Variants in CSMD2 observed in about 807,000 individuals in gnomAD.
The protein encoded by CSMD2 is CUB and Sushi multiple domains 2, also known as CUB and sushi domain-containing protein 2.
Under a neutral mutation model 398.5 loss-of-function variants are expected in CSMD2, and 130 were observed. The observed-to-expected ratio is 0.33, with a 90% CI of 0.28 to 0.38. The LOEUF (loss-of-function observed/expected upper bound fraction) is 0.38, where lower values mean the gene tolerates loss of function less well. Among genes scored for constraint, CSMD2 ranks in the 10% least tolerant of loss-of-function variants. CSMD2 has a pLI of 1.00. For synonymous variants in CSMD2, 1,828 were observed against 1,908.5 expected (o/e 0.96, Z 1.10); for missense variants, 3,829 against 4,764.9 (o/e 0.80, Z 5.78).
In CSMD2 at chr1:33,961,857, T is replaced by A. The variant is rs573030763; in HGVS notation, c.518-25903A>T. ...AAGCAGATGCTGGCACTATGCTTCA[T>A]GTACAGCCTGCAGAACCATGAATCA... On this transcript the variant is annotated intron_variant, in intron 3 of 70. Coordinates refer to ENST00000373381, the MANE Select transcript of CSMD2 (RefSeq NM_001281956.2). 2.8e-4 allele frequency among the ~76,000 whole-genome samples: 43 copies of A among 152,202 alleles called. 1 individual carries two copies. The highest frequency in any genetic ancestry group is 2.8e-3 in the Admixed American group (43 of 15,278).
intron 6 of CSMD2, among the ~76,000 whole-genome samples, chr1:33,835,558 C>T (rs1312478647): frequency 1.7e-5 from 2 of 117,322 alleles, no homozygotes; most frequent in Non-Finnish European, 3.4e-5. Context: ...TGCTAGATGA[C>T]GAGTTAGTGG....
rs141123885 is a variant in CSMD2, at chr1:33,515,847, C to T, written c.*777G>A. 718 of 152,382 alleles carry T rather than the reference C, an allele frequency of 4.7e-3. 10 individuals carry two copies. Among genetic ancestry groups the T allele is most frequent in the African/African-American group, 0.016 (664 of 41,552 alleles). The allele number at this position is 152,382 out of a possible 1,614,324, so 9.4% of individuals were successfully genotyped here. A position where few individuals can be genotyped will look rare whatever the true frequency, so the allele number is the denominator to read the frequency against. On this transcript the variant is annotated 3_prime_UTR_variant, in exon 71 of 71. Coordinates refer to ENST00000373381, the MANE Select transcript of CSMD2 (RefSeq NM_001281956.2). ...GGCCAGACTCCTGCCCTATCCTCCCCGGCTCTCCCTTCTTTCCCAGTGCTT... is the reference window on the plus strand; with the variant it reads ...GGCCAGACTCCTGCCCTATCCTCCCTGGCTCTCCCTTCTTTCCCAGTGCTT...
chr1:34,133,023 A>G (rs1013860225), intron 1 of CSMD2, among the ~76,000 whole-genome samples: 6 of 151,942 alleles, frequency 3.9e-5, no homozygotes, highest in Admixed American at 2.6e-4. Context: ...CAGCTTTCAA[A>G]TTAATTCATT....
At chr1:33,934,208 G>A (rs1215840617) in intron 4 of CSMD2, among the ~76,000 whole-genome samples, 1 of 152,200 alleles carries the variant, frequency 6.6e-6, no homozygotes, top group Non-Finnish European at 1.5e-5. Flanking sequence ...TTATTCCAAT[G>A]ACTTCTCAAC....
At chr1:33,706,847 TGCATTGTGTGC>T (rs1645800822) in intron 22 of CSMD2, among the ~76,000 whole-genome samples, 1 of 151,676 alleles carries the variant, frequency 6.6e-6, no homozygotes, top group Admixed American at 6.6e-5. Context: ...TGTGCGTGTG[TGCATTGTGTGC>T]GTGTGCATGT....
At chr1:33,644,733 C>T (rs75296667) in intron 29 of CSMD2, among the ~76,000 whole-genome samples, 2 of 152,146 alleles carry the variant, frequency 1.3e-5, no homozygotes, top group East Asian at 3.9e-4. Flanking sequence ...GTGGTGGGAG[C>T]AATGGAGGTC....
At position 33,608,808 on chromosome 1, in the gene CSMD2, G is replaced by A. The variant is rs570062026; in HGVS notation, c.6343+2233C>T. Among the ~76,000 whole-genome samples the A allele has an allele frequency of 6.2e-4, 95 of 152,280 alleles. 1 individual carries two copies. Among genetic ancestry groups the A allele is most frequent in the Admixed American group, 1.8e-3 (27 of 15,308 alleles). On this transcript the variant is annotated intron_variant, in intron 41 of 70. Coordinates refer to ENST00000373381, the MANE Select transcript of CSMD2 (RefSeq NM_001281956.2). ...AAGGAACCAACTCTGCTGACACCTT[G>A]ATCTTGACCATCCAGCCCCAGAGCC...
Position 33,864,792 on chromosome 1 carries a change from T to C in CSMD2, c.921-17796A>G, listed in dbSNP as rs773545783. 8 of 1,526,510 alleles carry C rather than the reference T, an allele frequency of 5.2e-6. No homozygotes were observed. The Admixed American group carries it at 1.5e-4, about 28-fold the overall frequency. The allele number at this position is 1,526,510 out of a possible 1,614,324, so 94.6% of individuals were successfully genotyped here. A position where few individuals can be genotyped will look rare whatever the true frequency, so the allele number is the denominator to read the frequency against. On this transcript the variant is annotated intron_variant, in intron 5 of 70. Transcript: ENST00000373381. ...AAAAACAAAATGCCATTCAACCGTA[T>C]TTCCTGTTCCTGGTCTCATGTGTGG...
rs567907368 is a variant in CSMD2, at chr1:34,032,296, CAG to C, written c.517+296_517+297del. Among the ~76,000 whole-genome samples the C allele has an allele frequency of 1.7e-3, 261 of 152,036 alleles. 1 individual carries two copies. Among genetic ancestry groups the C allele is most frequent in the African/African-American group, 6.2e-3 (256 of 41,454 alleles). ...TTATACAATGAAGCCCAATATAAAACAGAATTAAAAAAATAAAAACACAACAA... is the reference window on the plus strand; with the variant it reads ...TTATACAATGAAGCCCAATATAAAACAATTAAAAAAATAAAAACACAACAA... On this transcript the variant is annotated intron_variant, in intron 3 of 70. Transcript: ENST00000373381.
chr1:33,708,588 G>A (rs972701354), intron 22 of CSMD2, among the ~76,000 whole-genome samples: 18 of 32,824 alleles, frequency 5.5e-4, no homozygotes, highest in Non-Finnish European at 8.4e-4. Flanking sequence ...TGCTCCAACC[G>A]AACTTATTAT....
intron 12 of CSMD2, among the ~76,000 whole-genome samples, chr1:33,786,468 C>T (rs1048987731): frequency 6.6e-6 from 1 of 152,178 alleles, no homozygotes; most frequent in Non-Finnish European, 1.5e-5. Context: ...TCTCATAGCC[C>T]CACAGCTGCT....
chr1:33,633,535 A>C lies in CSMD2; in HGVS notation c.5087T>G (p.Val1696Gly), dbSNP rs1420403826. 5.2e-6 allele frequency: 8 copies of C among 1,550,928 alleles called. No homozygotes were observed. The South Asian group carries it at 9.5e-5, about 18-fold the overall frequency. Reference sequence around the variant, plus strand: ...AAAGAAGGCGAACTGGCCAAACACCACTGTGGAGGAGACACAGTGTGGGGA... The same window carrying C: ...AAAGAAGGCGAACTGGCCAAACACCCCTGTGGAGGAGACACAGTGTGGGGA... ...LYFVTVPKDY[V>G]VFGQFAFFHT... The change falls in exon 32 of 71, where the codon GTG becomes GGG. Residue 1696 changes from valine to glycine, a missense_variant and splice_region_variant. Physicochemically the swap from Val to Gly is moderately radical, Grantham distance 109. This residue lies in a region of CSMD2 where 2,001 missense variants were observed against 2,567.1 expected (regional missense o/e 0.78). Coordinates refer to ENST00000373381, the MANE Select transcript of CSMD2 (RefSeq NM_001281956.2). This position sits in a 1 kb window ranked among gnomAD's most constrained non-coding sequence, Gnocchi z 5.0.
chr1:33,583,136 C>T (rs1447001125), intron 47 of CSMD2, among the ~76,000 whole-genome samples: 1 of 152,176 alleles, frequency 6.6e-6, no homozygotes, highest in Non-Finnish European at 1.5e-5. Context: ...AGTGCTTTGG[C>T]AAGATGACTT....
rs114976194 is a variant in CSMD2 at position 34,011,515 on chromosome 1, C to G, written c.517+21079G>C. 5.5e-3 allele frequency among the ~76,000 whole-genome samples: 839 copies of G among 152,276 alleles called. 6 individuals are homozygous for G. The highest frequency in any genetic ancestry group is 0.019 in the African/African-American group (790 of 41,566). ...CCCCACCCTAGTTCCCGGGGCCTCT[C>G]CACCAGTTTTGTTTATAGCTCATGT... On this transcript the variant is annotated intron_variant, in intron 3 of 70. Coordinates refer to ENST00000373381, the MANE Select transcript of CSMD2 (RefSeq NM_001281956.2).
chr1:33,754,690 TGTTAA>T (rs1412531941), intron 13 of CSMD2, among the ~76,000 whole-genome samples: 7 of 149,384 alleles, frequency 4.7e-5, no homozygotes, highest in South Asian at 2.1e-4. Context: ...CTCACTGTTA[TGTTAA>T]AAGTTTTTAA....
chr1:33,622,608 C>T (rs1454503117), intron 36 of CSMD2, among the ~76,000 whole-genome samples: 1 of 152,170 alleles, frequency 6.6e-6, no homozygotes. Flanking sequence ...GCAGTGTGGA[C>T]AGTTTATCTG....
intron 36 of CSMD2, 35 bp from the exon 37 acceptor site, chr1:33,622,306 T>C (rs968526184): frequency 6.5e-7 from 1 of 1,531,636 alleles, no homozygotes. Flanking sequence ...CCATTTAAGT[T>C]TGGCTCCTCC....
At chr1:33,617,418 C>T (rs1641464820) in intron 38 of CSMD2, 81 bp downstream of exon 38, 2 of 1,043,298 alleles carry the variant, frequency 1.9e-6, no homozygotes, top group East Asian at 2.4e-5. Context: ...TCTTTGGTGA[C>T]TGTAGCTCTG....
chr1:33,908,667 G>T lies in CSMD2; in HGVS notation c.920+9427C>A, dbSNP rs114052794. On this transcript the variant is annotated intron_variant, in intron 5 of 70. Coordinates refer to ENST00000373381, the MANE Select transcript of CSMD2 (RefSeq NM_001281956.2). ...CCTGCTCCTCCCAGCTGTGACTTTTGTTCTCTTTTTGAGAGCAAGTTCTCA... is the reference window on the plus strand; with the variant it reads ...CCTGCTCCTCCCAGCTGTGACTTTTTTTCTCTTTTTGAGAGCAAGTTCTCA... Among the ~76,000 whole-genome samples the T allele has an allele frequency of 3.7e-3, 569 of 152,362 alleles. 1 individual carries two copies. Among genetic ancestry groups the T allele is most frequent in the African/African-American group, 0.013 (548 of 41,584 alleles).
Sources: gnomAD v4.1 joint callset for allele counts (sites outside exome capture counted in the v4.1 genomes callset) on GRCh38, gnomAD v4.1.1 for gene constraint, gnomAD v4.1.1 regional missense constraint, Gnocchi (gnomAD v3.1) non-coding constraint, MANE v1.5 for transcripts, NCBI Gene and HGNC (gene_info 2026-07-23, HGNC 2026-07-21) for gene names.